The following BTG4 variants were observed in gnomAD, a reference collection of about 807,000 sequenced individuals.
BTG4 encodes the protein BTG anti-proliferation factor 4.
BTG4 carries 10 observed loss-of-function variants against 19.3 expected under a neutral mutation model. The ratio of observed to expected loss-of-function variants is 0.52; its 90% CI spans 0.32 to 0.88. The LOEUF (loss-of-function observed/expected upper bound fraction) is 0.88, where lower values mean the gene tolerates loss of function less well. Ranked by LOEUF, BTG4 falls within the 40% of genes least tolerant of loss-of-function variation. The probability of loss-of-function intolerance (pLI) is 0.04; values close to 1 mark genes in which losing one functional copy is unlikely to be tolerated. For synonymous variants in BTG4, 91 were observed against 95.7 expected, an observed-to-expected ratio of 0.95 and a Z score of 0.29; for missense variants, 238 against 281.9, an observed-to-expected ratio of 0.84 and a Z score of 1.11.
chr11:111,441,542 A>G, the BTG4 span, among the ~76,000 whole-genome samples: 1 of 152,178 alleles, frequency 6.6e-6, no homozygotes, highest in African/African-American at 2.4e-5. Flanking sequence ...GAGATGCCTT[A>G]CGGATTGACT....
At chr11:111,444,182 G>GGTGTGTGT in the BTG4 span, among the ~76,000 whole-genome samples, 4 of 131,786 alleles carry the variant, frequency 3.0e-5, no homozygotes, top group Admixed American at 7.1e-5. Context: ...TACCCTGAGG[G>GGTGTGTGT]GTGTGTGTGT....
chr11:111,413,098 A>T, the BTG4 span, among the ~76,000 whole-genome samples: 1 of 152,242 alleles, frequency 6.6e-6, no homozygotes. Flanking sequence ...AAAGGCCAGC[A>T]ACAGAGGTGG....
At chr11:111,497,464 C>T in intron 3 of BTG4, 55 bp from the exon 4 acceptor site, 2 of 1,188,688 alleles carry the variant, frequency 1.7e-6, no homozygotes, top group Non-Finnish European at 2.2e-6. Flanking sequence ...TCTACAAGAT[C>T]TCCAATCTTT....
intron 5 of BTG4, among the ~76,000 whole-genome samples, chr11:111,476,088 G>C (rs956997992): frequency 4.7e-5 from 7 of 149,992 alleles, no homozygotes; most frequent in Non-Finnish European, 7.4e-5. Context: ...ATTTGGGTGG[G>C]GACACAGCCA....
the BTG4 span, among the ~76,000 whole-genome samples, chr11:111,419,114 T>C: frequency 1.3e-5 from 2 of 152,196 alleles, no homozygotes; most frequent in Non-Finnish European, 2.9e-5. Context: ...TCATTTTACC[T>C]AAATAACCTC....
At chr11:111,429,450 T>C in the BTG4 span, among the ~76,000 whole-genome samples, 9 of 152,052 alleles carry the variant, frequency 5.9e-5, no homozygotes, top group Non-Finnish European at 2.9e-5. Context: ...GATTCCAAAA[T>C]GAGACAGACA....
At chr11:111,404,642 T>C in the BTG4 span, 1 of 456,066 alleles carries the variant, frequency 2.2e-6, no homozygotes, top group Admixed American at 2.3e-5. Context: ...AAGAAATACA[T>C]AGGAAAATAC....
downstream of BTG4, among the ~76,000 whole-genome samples, chr11:111,490,366 A>G (rs1235143946): frequency 6.6e-6 from 1 of 152,184 alleles, no homozygotes; most frequent in Non-Finnish European, 1.5e-5. Flanking sequence ...GAATACCCCA[A>G]TTACCATGAT....
intron 1 of BTG4, among the ~76,000 whole-genome samples, chr11:111,504,706 A>G (rs1457946923): frequency 2.0e-5 from 3 of 152,086 alleles, no homozygotes; most frequent in East Asian, 1.9e-4. Context: ...ATATGATTGT[A>G]TACCTAGAAA....
chr11:111,499,766 T>G (rs1413250357), intron 1 of BTG4, among the ~76,000 whole-genome samples: 1 of 152,208 alleles, frequency 6.6e-6, no homozygotes, highest in African/African-American at 2.4e-5. Flanking sequence ...GTGGAAGAGA[T>G]CTGAGTTTAT....
chr11:111,512,856 C>T (rs1490516008), upstream of BTG4: 1 of 397,050 alleles, frequency 2.5e-6, no homozygotes, highest in Admixed American at 3.4e-5. Context: ...TAGGGCGTCC[C>T]CCGGTGAAAT....
At chr11:111,391,953 T>C in the BTG4 span, among the ~76,000 whole-genome samples, 28 of 152,236 alleles carry the variant, frequency 1.8e-4, no homozygotes, top group Middle Eastern at 3.4e-3. Context: ...TCTGAAAGCT[T>C]CGTGTCTCTG....
chr11:111,401,269 G>T, the BTG4 span, among the ~76,000 whole-genome samples: 2 of 151,964 alleles, frequency 1.3e-5, no homozygotes, highest in African/African-American at 4.8e-5. Context: ...GGCGGATCAC[G>T]AGGTCAGGAG....
chr11:111,496,855 A>G (rs1865766154), intron 4 of BTG4: 2 of 277,796 alleles, frequency 7.2e-6, no homozygotes, highest in East Asian at 5.8e-5. Context: ...TCCTATATCC[A>G]AATTTTCTAT....
At chr11:111,488,574 A>G (rs981788601) in intron 5 of BTG4, among the ~76,000 whole-genome samples, 2 of 152,214 alleles carry the variant, frequency 1.3e-5, no homozygotes, top group African/African-American at 4.8e-5. Context: ...AAATCAGGCA[A>G]CCGAAACAAA....
intron 4 of BTG4, among the ~76,000 whole-genome samples, chr11:111,496,304 C>T (rs1369280800): frequency 6.6e-6 from 1 of 152,142 alleles, no homozygotes; most frequent in Non-Finnish European, 1.5e-5. Flanking sequence ...ATAAATACAA[C>T]TTTCTACATG....
At chr11:111,450,338 A>G in the BTG4 span, 1 of 152,584 alleles carries the variant, frequency 6.6e-6, no homozygotes, top group Non-Finnish European at 1.5e-5. Context: ...TTTCGTTTCC[A>G]GGATTTTTAC....
At chr11:111,441,397 T>A in the BTG4 span, among the ~76,000 whole-genome samples, 1 of 151,588 alleles carries the variant, frequency 6.6e-6, no homozygotes, top group Non-Finnish European at 1.5e-5. Context: ...GAGAGATGGC[T>A]CCTTGAGCAC....
At chr11:111,438,289 C>G in the BTG4 span, among the ~76,000 whole-genome samples, 1 of 152,198 alleles carries the variant, frequency 6.6e-6, no homozygotes, top group East Asian at 1.9e-4. Context: ...TAGCCTGGAA[C>G]TTGGGCCCCA....
Sources: gnomAD v4.1 joint callset for allele counts (sites outside exome capture counted in the v4.1 genomes callset) on GRCh38, gnomAD v4.1.1 for gene constraint, MANE v1.5 for transcripts, NCBI Gene and HGNC (gene_info 2026-07-23, HGNC 2026-07-21) for gene names.